DIAPH2: variants seen among roughly 807,000 people sequenced by gnomAD.
The protein encoded by DIAPH2 is protein diaphanous homolog 2.
A neutral mutation model predicts 92.7 loss-of-function variants in DIAPH2; 35 were observed. The ratio of observed to expected loss-of-function variants is 0.38; its 90% CI spans 0.29 to 0.50. The LOEUF (loss-of-function observed/expected upper bound fraction) is 0.50. DIAPH2 is among the 20% of genes least tolerant of loss of function. DIAPH2 has a pLI of 0.94. For synonymous variants in DIAPH2, 301 were observed against 280.4 expected (o/e 1.07, Z -0.73); for missense variants, 701 against 819.5 (o/e 0.86, Z 1.77).
chrX:97,243,618 A>C (rs2068116397), intron 22 of DIAPH2, among the ~76,000 whole-genome samples: 1 of 111,949 alleles, frequency 8.9e-6, no homozygotes, highest in Non-Finnish European at 1.9e-5. Flanking sequence ...TAATATAAAT[A>C]ATCCATTAGA....
chrX:97,174,061 AATAATT>A (rs1006428346), intron 22 of DIAPH2, among the ~76,000 whole-genome samples: 4 of 87,033 alleles, frequency 4.6e-5, no homozygotes, highest in African/African-American at 1.4e-4. Context: ...AAAAATATAT[AATAATT>A]ATATTATATA....
chrX:97,187,281 C>CTTTTTTTTTTTTTTTTT lies in DIAPH2; in HGVS notation c.2719+45494_2719+45510dup, dbSNP rs763781923. 1.2e-3 allele frequency among the ~76,000 whole-genome samples: 46 copies of CTTTTTTTTTTTTTTTTT among 36,883 alleles called. 12 individuals carry two copies. Among genetic ancestry groups the CTTTTTTTTTTTTTTTTT allele is most frequent in the African/African-American group, 2.5e-3 (24 of 9,671 alleles). The allele number at this position is 36,883 out of a possible 115,157, so 32.0% of individuals were successfully genotyped here. On this transcript the variant is annotated intron_variant, in intron 22 of 26. Transcript: ENST00000324765. ...AGGGATTGAAGACTAATTAAGTAGC[C>CTTTTTTTTTTTTTTTTT]TTTTTTTTTTTTTTTTTTTTTTTGC...
At chrX:96,808,527 A>G (rs1340086169) in intron 4 of DIAPH2, among the ~76,000 whole-genome samples, 1 of 111,821 alleles carries the variant, frequency 8.9e-6, no homozygotes, top group African/African-American at 3.2e-5. Flanking sequence ...AAACATGGTA[A>G]TGCTCAATTG....
intron 5 of DIAPH2, chrX:96,885,336 A>G (rs982189765): frequency 7.0e-6 from 2 of 285,807 alleles, no homozygotes; most frequent in African/African-American, 2.8e-5. Context: ...TAATGGAAAC[A>G]TGATTTTCGG....
At position 97,022,072 on chromosome X, in the gene DIAPH2, G is replaced by T. The variant is rs780018809; in HGVS notation, c.2051-50869G>T. Among the ~76,000 whole-genome samples, 40 of 112,084 alleles carry T rather than the reference G, an allele frequency of 3.6e-4. No homozygotes were observed. In the East Asian group the frequency reaches 0.011, roughly 30 times the overall value. On this transcript the variant is annotated intron_variant, in intron 17 of 26. Transcript: ENST00000324765. The stretch of plus-strand genomic sequence containing the variant: ...GGTGAAGCTGTGAACTACTGATAGA[G>T]AGTAGGATCTATTACTGGACTGGGA...
At chrX:96,869,285 C>T (rs746823924) in intron 4 of DIAPH2, among the ~76,000 whole-genome samples, 47 of 110,380 alleles carry the variant, frequency 4.3e-4, no homozygotes, top group African/African-American at 1.4e-3. Context: ...CTTCTCAGGC[C>T]GGACGTGGTA....
At chrX:97,553,809 C>T (rs898677441) in intron 26 of DIAPH2, among the ~76,000 whole-genome samples, 7 of 110,522 alleles carry the variant, frequency 6.3e-5, no homozygotes, top group Admixed American at 9.7e-5. Flanking sequence ...GCCAGACAGC[C>T]GGGGTTTGTA....
chrX:96,732,139 G>A (rs186404686), intron 1 of DIAPH2, among the ~76,000 whole-genome samples: 16 of 111,165 alleles, frequency 1.4e-4, no homozygotes, highest in Admixed American at 2.9e-4. Flanking sequence ...AATTTTGAGA[G>A]CTTGTCCCAG....
At chrX:96,892,955 G>C (rs993073563) in intron 5 of DIAPH2, among the ~76,000 whole-genome samples, 12 of 111,625 alleles carry the variant, frequency 1.1e-4, no homozygotes, top group African/African-American at 3.9e-4. Flanking sequence ...TTTCTGAGTA[G>C]AAGCCTAACT....
intron 20 of DIAPH2, 142 bp from the exon 21 acceptor site, chrX:97,114,584 A>C: frequency 3.5e-6 from 2 of 566,988 alleles, no homozygotes; most frequent in Non-Finnish European, 2.5e-6. Flanking sequence ...GAATGTTTAA[A>C]ACAAAAAAGA....
At chrX:97,570,133 G>A (rs193051852) in intron 26 of DIAPH2, among the ~76,000 whole-genome samples, 16 of 54,630 alleles carry the variant, frequency 2.9e-4, no homozygotes, top group East Asian at 7.0e-4. Context: ...TTAGAAGATA[G>A]ATAGATAGAT....
In DIAPH2 at chrX:97,570,110, ATATATATATATATT is replaced by A. The variant is rs1569426191; in HGVS notation, c.3242-29142_3242-29129del. Among the ~76,000 whole-genome samples the A allele has an allele frequency of 3.4e-3, 112 of 32,691 alleles. 1 individual carries two copies. Among genetic ancestry groups the A allele is most frequent in the African/African-American group, 9.7e-3 (104 of 10,771 alleles). The allele number at this position is 32,691 out of a possible 115,157, so 28.4% of individuals were successfully genotyped here. On this transcript the variant is annotated intron_variant, in intron 26 of 26. Transcript: ENST00000324765. ...TATATATATATATATATATATATATATATATATATATATTAGAAGATAGATAGATAGATAGATAG... is the reference window on the plus strand; with the variant it reads ...TATATATATATATATATATATATATAAGAAGATAGATAGATAGATAGATAG...
chrX:97,110,249 G>A (rs1000167565), intron 20 of DIAPH2, among the ~76,000 whole-genome samples: 2 of 110,951 alleles, frequency 1.8e-5, no homozygotes, highest in Non-Finnish European at 3.8e-5. Context: ...TCTCTATGCA[G>A]TCTCTGTATC....
chrX:97,555,591 A>G, intron 26 of DIAPH2: 2 of 218,729 alleles, frequency 9.1e-6, no homozygotes, highest in Non-Finnish European at 1.3e-5. Context: ...AAAGGATTTC[A>G]GATAAAAATC....
intron 15 of DIAPH2, among the ~76,000 whole-genome samples, chrX:96,954,690 A>G (rs2065798836): frequency 1.8e-5 from 2 of 112,477 alleles, no homozygotes; most frequent in South Asian, 3.7e-4. Flanking sequence ...CAGTTTCCTC[A>G]TCTTTAAGCA....
intron 26 of DIAPH2, among the ~76,000 whole-genome samples, chrX:97,589,027 A>ATATATATATATATATATATATATATATAT (rs748240865): frequency 1.2e-5 from 1 of 85,130 alleles, no homozygotes; most frequent in Non-Finnish European, 2.3e-5. Context: ...ATATATATAT[A>ATATATATATATATATATATATATATATAT]AAAGAATCAG....
intron 22 of DIAPH2, among the ~76,000 whole-genome samples, chrX:97,209,032 C>T (rs918834777): frequency 9.0e-6 from 1 of 110,544 alleles, no homozygotes; most frequent in African/African-American, 3.3e-5. Flanking sequence ...TTATGTAATC[C>T]TGACTCAAAT....
At chrX:97,076,870 T>A (rs1406976520) in intron 19 of DIAPH2, among the ~76,000 whole-genome samples, 3 of 111,729 alleles carry the variant, frequency 2.7e-5, no homozygotes, top group Non-Finnish European at 5.6e-5. Flanking sequence ...ATCTGTATAT[T>A]TTACCCATAT....
chrX:96,764,594 G>T (rs1385145317), intron 4 of DIAPH2, among the ~76,000 whole-genome samples: 1 of 111,612 alleles, frequency 9.0e-6, no homozygotes, highest in Non-Finnish European at 1.9e-5. Context: ...TTAGGCTAAT[G>T]GTTCTCAAAC....
Sources: gnomAD v4.1 joint callset for allele counts (sites outside exome capture counted in the v4.1 genomes callset) on GRCh38, gnomAD v4.1.1 for gene constraint, MANE v1.5 for transcripts, NCBI Gene and HGNC (gene_info 2026-07-23, HGNC 2026-07-21) for gene names.